FAM13A: variants seen among roughly 807,000 people sequenced by gnomAD.
FAM13A encodes protein FAM13A.
In FAM13A, 76 loss-of-function variants were observed where a neutral mutation model predicts 129.6. The ratio of observed to expected loss-of-function variants is 0.59; its 90% CI spans 0.49 to 0.71. FAM13A has a LOEUF of 0.71. FAM13A is among the 30% of genes least tolerant of loss of function. The probability of loss-of-function intolerance (pLI) is 0.00; values close to 1 mark genes in which losing one functional copy is unlikely to be tolerated. For synonymous variants in FAM13A, 443 were observed against 449.9 expected, an observed-to-expected ratio of 0.98 and a Z score of 0.20; for missense variants, 1,108 against 1,249.3, an observed-to-expected ratio of 0.89 and a Z score of 1.70.
In FAM13A at chr4:88,739,087, G is replaced by GTA; in HGVS notation, c.2503_2504dup (p.Asp836ThrfsTer47). 6.2e-7 allele frequency: 1 copy of GTA among 1,613,846 alleles called. No homozygotes were observed. Among genetic ancestry groups the GTA allele is most frequent in the East Asian group, 2.2e-5 (1 of 44,868 alleles). On this transcript the variant is annotated frameshift_variant, in exon 20 of 24. Coordinates refer to ENST00000264344, the MANE Select transcript of FAM13A (RefSeq NM_014883.4). LOFTEE classifies it high-confidence loss of function. ...TCTGTTTGACCAGCCGGTACCTGTC[G>GTA]TATAGTGGCTTCATCACCTGCCGTT...
At chr4:88,851,921 T>C (rs936545280) in intron 6 of FAM13A, among the ~76,000 whole-genome samples, 2 of 152,208 alleles carry the variant, frequency 1.3e-5, no homozygotes, top group Non-Finnish European at 2.9e-5. Flanking sequence ...CAATATTCTT[T>C]TCCTTTAAAA....
At chr4:88,944,895 C>A in intron 4 of FAM13A, among the ~76,000 whole-genome samples, 1 of 136,698 alleles carries the variant, frequency 7.3e-6, no homozygotes. Flanking sequence ...AAGAGCGAAA[C>A]TCTGTCTCAA....
chr4:89,033,397 G>A (rs1768961573), intron 1 of FAM13A, among the ~76,000 whole-genome samples: 1 of 152,126 alleles, frequency 6.6e-6, no homozygotes, highest in African/African-American at 2.4e-5. Context: ...GCACAGAGAT[G>A]CCAGTAAAGT....
At chr4:88,919,352 AC>A (rs1250283008) in intron 5 of FAM13A, among the ~76,000 whole-genome samples, 3 of 152,250 alleles carry the variant, frequency 2.0e-5, no homozygotes, top group Non-Finnish European at 4.4e-5. Context: ...TGTGAAGCAA[AC>A]TTTTATTGAA....
chr4:88,780,353 G>A (rs1235210574), intron 11 of FAM13A, among the ~76,000 whole-genome samples: 1 of 152,166 alleles, frequency 6.6e-6, no homozygotes, highest in Non-Finnish European at 1.5e-5. Context: ...AAGTACGTCA[G>A]AGGATTTGCA....
At chr4:88,749,463 T>C (rs3775389) in intron 16 of FAM13A, among the ~76,000 whole-genome samples, 26,716 of 152,154 alleles carry the variant, frequency 0.18, 2,466 homozygotes, top group Admixed American at 0.24. Context: ...GAAGATAATA[T>C]TGAATTAAAT....
At chr4:88,954,839 T>C (rs575367585) in intron 4 of FAM13A, among the ~76,000 whole-genome samples, 2 of 151,510 alleles carry the variant, frequency 1.3e-5, no homozygotes, top group East Asian at 3.9e-4. Context: ...TGAGCAGAGA[T>C]TGTGCCACTG....
intron 1 of FAM13A, among the ~76,000 whole-genome samples, chr4:89,043,146 AC>A (rs758407582): frequency 7.9e-5 from 12 of 152,288 alleles, no homozygotes; most frequent in Non-Finnish European, 1.5e-4. Flanking sequence ...ACAAATACTT[AC>A]CACCTGAAAG....
chr4:89,046,948 C>T (rs964987613), intron 1 of FAM13A, among the ~76,000 whole-genome samples: 1 of 151,754 alleles, frequency 6.6e-6, no homozygotes, highest in Non-Finnish European at 1.5e-5. Flanking sequence ...AAAAGAGAAA[C>T]GGATGTTGGA....
At chr4:89,014,836 G>A (rs550002620) in intron 3 of FAM13A, among the ~76,000 whole-genome samples, 3 of 152,240 alleles carry the variant, frequency 2.0e-5, no homozygotes, top group East Asian at 3.9e-4. Flanking sequence ...TATGAAATCT[G>A]GGCACATTGA....
intron 4 of FAM13A, among the ~76,000 whole-genome samples, chr4:88,956,259 T>C (rs944951537): frequency 6.6e-6 from 1 of 152,240 alleles, no homozygotes; most frequent in Admixed American, 6.5e-5. Flanking sequence ...CATTTTTCTG[T>C]ACTTTTGTTA....
intron 8 of FAM13A, among the ~76,000 whole-genome samples, chr4:88,794,635 T>C (rs1725801926): frequency 6.6e-6 from 1 of 151,882 alleles, no homozygotes. Flanking sequence ...CTATGGCATA[T>C]AAAATCCTGC....
chr4:88,849,837 C>A (rs1361896183), intron 7 of FAM13A, among the ~76,000 whole-genome samples: 1 of 152,196 alleles, frequency 6.6e-6, no homozygotes, highest in Non-Finnish European at 1.5e-5. Context: ...CATTCAAGGT[C>A]CTCTATGACC....
In FAM13A at chr4:88,737,540, T is replaced by G. The variant is rs1377716708; in HGVS notation, c.2578A>C (p.Lys860Gln). ...TIPIIGSPSS[K>Q]RRSPLLQPII... ...GGCTGCAGCAAAGGGCTTCTCCGCT[T>G]GCTGGAGGGGGAACCCTGTGACAGG... The change falls in exon 21 of 24, where the codon AAG becomes CAG. Residue 860 changes from lysine (K) to glutamine (Q), a missense_variant. Physicochemically the swap from Lys to Gln is moderately conservative, Grantham distance 53. Coordinates refer to ENST00000264344, the MANE Select transcript of FAM13A (RefSeq NM_014883.4). 3 of 1,613,968 alleles carry G rather than the reference T, an allele frequency of 1.9e-6. No homozygotes were observed. The highest frequency in any genetic ancestry group is 1.7e-6 in the Non-Finnish European group (2 of 1,179,952).
intron 13 of FAM13A, among the ~76,000 whole-genome samples, chr4:88,763,324 G>A (rs764983424): frequency 2.0e-5 from 3 of 151,716 alleles, no homozygotes; most frequent in East Asian, 1.9e-4. Flanking sequence ...TTTGGCAAGC[G>A]TTCATTGAAC....
intron 5 of FAM13A, chr4:88,937,696 GAC>G (rs1754065050): frequency 4.9e-6 from 1 of 202,946 alleles, no homozygotes; most frequent in Non-Finnish European, 9.8e-6. Flanking sequence ...GAGACAAAAA[GAC>G]ACAGTAATAT....
At chr4:88,944,751 A>C (rs1340253219) in intron 4 of FAM13A, among the ~76,000 whole-genome samples, 1 of 151,904 alleles carries the variant, frequency 6.6e-6, no homozygotes, top group African/African-American at 2.4e-5. Context: ...AAAATACAAA[A>C]AATTAGCTGG....
At chr4:88,907,825 C>A (rs1748413738) in intron 5 of FAM13A, among the ~76,000 whole-genome samples, 1 of 152,218 alleles carries the variant, frequency 6.6e-6, no homozygotes. Context: ...GGAGCCATAG[C>A]ATTTTAAAGC....
intron 4 of FAM13A, among the ~76,000 whole-genome samples, chr4:88,965,560 GTTTT>G (rs1322890367): frequency 3.0e-5 from 4 of 133,036 alleles, no homozygotes; most frequent in South Asian, 5.4e-4. Flanking sequence ...CTTATATGTA[GTTTT>G]TTTAAGTTAA....
Sources: allele counts gnomAD v4.1 joint callset (sites outside exome capture counted in the v4.1 genomes callset), GRCh38; gene constraint gnomAD v4.1.1; transcripts MANE v1.5; gene names NCBI Gene and HGNC (gene_info 2026-07-23, HGNC 2026-07-21).